TEX9: variants seen among roughly 807,000 people sequenced by gnomAD.
TEX9 encodes the protein testis-expressed protein 9.
In TEX9, 74 loss-of-function variants were observed where a neutral mutation model predicts 59.6. The observed-to-expected ratio is 1.24, with a 90% CI of 1.03 to 1.51. The LOEUF is 1.51. TEX9 is among the 40% of genes most tolerant of loss of function. The probability of loss-of-function intolerance (pLI) is 0.00; values close to 1 mark genes in which losing one functional copy is unlikely to be tolerated. For synonymous variants in TEX9, 186 were observed against 152.2 expected (o/e 1.22, Z -1.64); for missense variants, 522 against 447.8 (o/e 1.17, Z -1.49).
intron 1 of TEX9, among the ~76,000 whole-genome samples, chr15:56,284,300 T>C (rs1356359770): frequency 8.5e-5 from 13 of 152,192 alleles, no homozygotes; most frequent in Non-Finnish European, 1.8e-4. Flanking sequence ...CCCAGCTTAA[T>C]TTCTTTGACT....
intron 1 of TEX9, among the ~76,000 whole-genome samples, chr15:56,350,594 G>T (rs575551634): frequency 1.3e-5 from 2 of 152,152 alleles, no homozygotes; most frequent in Non-Finnish European, 2.9e-5. Context: ...ATAGCCTTGT[G>T]ACCTGGTGAG....
At chr15:56,382,321 G>T (rs2047767889) in intron 3 of TEX9, among the ~76,000 whole-genome samples, 1 of 152,180 alleles carries the variant, frequency 6.6e-6, no homozygotes, top group Non-Finnish European at 1.5e-5. Flanking sequence ...CCTGGAATCA[G>T]GCACCCCAAG....
intron 1 of TEX9, among the ~76,000 whole-genome samples, chr15:56,352,045 G>A (rs1426644145): frequency 1.3e-5 from 2 of 152,190 alleles, no homozygotes; most frequent in African/African-American, 4.8e-5. Context: ...GAAACCTTTT[G>A]GTCTAAAGAT....
intron 9 of TEX9, among the ~76,000 whole-genome samples, chr15:56,401,647 C>T (rs1187331553): frequency 2.0e-5 from 3 of 152,180 alleles, no homozygotes; most frequent in Admixed American, 6.5e-5. Flanking sequence ...ACCTTATAGA[C>T]ATCTACAGAA....
chr15:56,355,418 C>T (rs1248083698), intron 1 of TEX9, among the ~76,000 whole-genome samples: 2 of 152,116 alleles, frequency 1.3e-5, no homozygotes, highest in East Asian at 3.8e-4. Flanking sequence ...TTCTCCATTT[C>T]ATTTTATTAA....
chr15:56,333,615 C>G (rs1567089364), intron 1 of TEX9, among the ~76,000 whole-genome samples: 2 of 152,010 alleles, frequency 1.3e-5, no homozygotes, highest in African/African-American at 4.8e-5. Flanking sequence ...AGAGCTGGAA[C>G]AAGACAAAGA....
Position 56,441,464 on chromosome 15 carries a change from T to C in TEX9, c.*30-4207T>C, listed in dbSNP as rs1087838. Among the ~76,000 whole-genome samples the C allele has an allele frequency of 2.0e-5, 3 of 152,206 alleles. 1 individual carries two copies. Among genetic ancestry groups the C allele is most frequent in the Admixed American group, 6.5e-5 (1 of 15,290 alleles). The stretch of plus-strand genomic sequence containing the variant: ...ACCTAGTCTATAGATTAATGAGAAC[T>C]GTGCATTGAAATACCATTCTGGACA... On this transcript the variant is annotated intron_variant, in intron 12 of 12. Coordinates refer to ENST00000352903, the Ensembl canonical transcript of TEX9.
At chr15:56,379,071 C>CA (rs199787439) in intron 3 of TEX9, among the ~76,000 whole-genome samples, 7,842 of 50,204 alleles carry the variant, frequency 0.16, 568 homozygotes, top group East Asian at 0.45. Flanking sequence ...CTCAAAGAAA[C>CA]AAAAAAAAAA....
At chr15:56,356,141 G>A (rs1168615359) in intron 1 of TEX9, among the ~76,000 whole-genome samples, 1 of 152,070 alleles carries the variant, frequency 6.6e-6, no homozygotes, top group Non-Finnish European at 1.5e-5. Flanking sequence ...CGTTATACAA[G>A]GTGGAACCTT....
chr15:56,262,666 G>T (rs532977383), intron 1 of TEX9, among the ~76,000 whole-genome samples: 5 of 152,058 alleles, frequency 3.3e-5, no homozygotes, highest in African/African-American at 1.2e-4. Context: ...TCTAATTTTC[G>T]TTATCTAATT....
chr15:56,432,914 C>G (rs954641701), intron 12 of TEX9, among the ~76,000 whole-genome samples: 26 of 152,118 alleles, frequency 1.7e-4, no homozygotes, highest in Non-Finnish European at 3.5e-4. Context: ...CTCTTCCTAC[C>G]GATTTTCAAA....
At chr15:56,333,276 A>C (rs1305897312) in intron 1 of TEX9, among the ~76,000 whole-genome samples, 1 of 152,190 alleles carries the variant, frequency 6.6e-6, no homozygotes, top group Admixed American at 6.5e-5. Context: ...ACAAAACACT[A>C]GCAAACCAAA....
chr15:56,420,468 C>T (rs945254792), intron 10 of TEX9, among the ~76,000 whole-genome samples: 2 of 151,520 alleles, frequency 1.3e-5, no homozygotes, highest in East Asian at 1.9e-4. Context: ...CCACCATGCT[C>T]GGCTAATTTT....
chr15:56,284,755 G>A (rs534273554), intron 1 of TEX9, among the ~76,000 whole-genome samples: 18 of 151,832 alleles, frequency 1.2e-4, no homozygotes, highest in South Asian at 2.1e-4. Flanking sequence ...TGTTTTCCCC[G>A]TCCATCCTCA....
intron 1 of TEX9, among the ~76,000 whole-genome samples, chr15:56,301,938 G>GT (rs2045368839): frequency 6.6e-6 from 1 of 152,146 alleles, no homozygotes; most frequent in South Asian, 2.1e-4. Flanking sequence ...CATATCTTGA[G>GT]TAGAAAGACT....
chr15:56,390,114 T>C (rs1242740777), intron 6 of TEX9, among the ~76,000 whole-genome samples: 1 of 151,504 alleles, frequency 6.6e-6, no homozygotes, highest in Non-Finnish European at 1.5e-5. Context: ...ATGGAAAAAA[T>C]AGAGTGAAGT....
chr15:56,292,014 G>T (rs970744002), intron 1 of TEX9, among the ~76,000 whole-genome samples: 1 of 152,192 alleles, frequency 6.6e-6, no homozygotes, highest in Non-Finnish European at 1.5e-5. Flanking sequence ...CAACTGAGGC[G>T]CTGGCATAGA....
At chr15:56,274,083 C>A (rs1200700269) in intron 1 of TEX9, among the ~76,000 whole-genome samples, 1 of 152,136 alleles carries the variant, frequency 6.6e-6, no homozygotes, top group Non-Finnish European at 1.5e-5. Flanking sequence ...CCCAACCACA[C>A]CCCCAACCCT....
intron 2 of TEX9, among the ~76,000 whole-genome samples, chr15:56,372,624 G>A (rs1031261000): frequency 6.6e-6 from 1 of 152,104 alleles, no homozygotes; most frequent in African/African-American, 2.4e-5. Context: ...TAAAGATTAC[G>A]TGAAGATAGA....
Sources: allele counts gnomAD v4.1 joint callset (sites outside exome capture counted in the v4.1 genomes callset), GRCh38; gene constraint gnomAD v4.1.1; transcripts MANE v1.5; gene names NCBI Gene and HGNC (gene_info 2026-07-23, HGNC 2026-07-21).